Variants in GNL2 observed in about 807,000 individuals in gnomAD.
GNL2 encodes the protein G protein nucleolar 2, also known as nucleolar GTP-binding protein 2.
In GNL2, 51 loss-of-function variants were observed where a neutral mutation model predicts 92.3. The ratio of observed to expected loss-of-function variants is 0.55; its 90% confidence interval spans 0.44 to 0.70. The LOEUF (loss-of-function observed/expected upper bound fraction) is 0.70. Ranked by LOEUF, GNL2 falls within the 30% of genes least tolerant of loss-of-function variation. The probability of loss-of-function intolerance (pLI) is 0.00; values close to 1 mark genes in which losing one functional copy is unlikely to be tolerated. For missense variants in GNL2, 844 were observed against 895.6 expected, an observed-to-expected ratio of 0.94 and a Z score of 0.74; for synonymous variants, 283 against 300.6, an observed-to-expected ratio of 0.94 and a Z score of 0.61.
rs1643556515 is a variant in GNL2, at chr1:37,569,154, ATC to A, written c.1563_1564del (p.Glu521AspfsTer14). On this transcript the variant is annotated frameshift_variant, in exon 13 of 16. Transcript: ENST00000373062. LOFTEE classifies it high-confidence loss of function. ...CCGAACTCGTGTGAGAATCTGCTGC[ATC>A]TCTGTGTTAGCATCACAGTGACTGT... 3 of 1,614,154 alleles carry A rather than the reference ATC, an allele frequency of 1.9e-6. No homozygotes were observed. In the East Asian group the frequency reaches 6.7e-5, roughly 36 times the overall value.
At chr1:37,571,988 A>T (rs1400805716) in intron 12 of GNL2, among the ~76,000 whole-genome samples, 1 of 151,806 alleles carries the variant, frequency 6.6e-6, no homozygotes, top group Non-Finnish European at 1.5e-5. Context: ...ATCAGGACAC[A>T]CAGAGCATAC....
chr1:37,578,775 G>A (rs564510650), intron 8 of GNL2, among the ~76,000 whole-genome samples: 2 of 152,122 alleles, frequency 1.3e-5, no homozygotes, highest in Non-Finnish European at 2.9e-5. Context: ...GCCCAGGCTC[G>A]TCTAGAACTC....
intron 8 of GNL2, among the ~76,000 whole-genome samples, chr1:37,577,873 T>C (rs1263752384): frequency 1.3e-5 from 2 of 152,222 alleles, no homozygotes; most frequent in Non-Finnish European, 2.9e-5. Flanking sequence ...TTTTGAAATG[T>C]CACATGTTTG....
At chr1:37,580,136 A>G (rs1267530193) in intron 8 of GNL2, among the ~76,000 whole-genome samples, 1 of 152,146 alleles carries the variant, frequency 6.6e-6, no homozygotes, top group African/African-American at 2.4e-5. Context: ...ATTTTAGAAT[A>G]AGAAAAGATT....
chr1:37,584,958 T>C (rs1251965827), intron 5 of GNL2, among the ~76,000 whole-genome samples: 1 of 151,472 alleles, frequency 6.6e-6, no homozygotes, highest in African/African-American at 2.4e-5. Context: ...GGCGGGCACC[T>C]GTAATCCCAG....
chr1:37,572,546 A>T (rs116357499), intron 12 of GNL2, among the ~76,000 whole-genome samples: 78 of 151,846 alleles, frequency 5.1e-4, no homozygotes, highest in African/African-American at 1.7e-3. Context: ...CTCCATAAAA[A>T]CCCCTACATG....
intron 9 of GNL2, 199 bp downstream of exon 9, chr1:37,576,229 C>A (rs1038742344): frequency 5.7e-6 from 3 of 524,486 alleles, no homozygotes; most frequent in Non-Finnish European, 1.0e-5. Flanking sequence ...CAAAGCCACA[C>A]GGGGGCATAT....
At chr1:37,585,043 A>C (rs988174886) in intron 5 of GNL2, among the ~76,000 whole-genome samples, 1 of 151,026 alleles carries the variant, frequency 6.6e-6, no homozygotes, top group Non-Finnish European at 1.5e-5. Flanking sequence ...GATCACATCA[A>C]ATGGTTAGAA....
intron 8 of GNL2, among the ~76,000 whole-genome samples, chr1:37,579,811 G>A (rs1199219195): frequency 6.1e-5 from 9 of 146,726 alleles, no homozygotes; most frequent in Non-Finnish European, 7.4e-5. Context: ...CAGGAGAATC[G>A]CTTAAACCCG....
chr1:37,566,967 C>A lies in GNL2; in HGVS notation c.2084G>T (p.Gly695Val), dbSNP rs368821447. 22 of 1,613,880 alleles carry A rather than the reference C, an allele frequency of 1.4e-5. No homozygotes were observed. The highest frequency in any genetic ancestry group is 1.9e-5 in the Non-Finnish European group (22 of 1,179,916). Residue 695 changes from glycine to valine, a missense_variant, in exon 16 of 16, where the codon GGT becomes GTT. Transcript: ENST00000373062. ...AVRQQRPKKV[G>V]VRYYETHNVK... ...GTTGTGTGTTTCATAGTAGCGCACACCAACTTTTTTCGGCCGTTGCTGTCG... is the reference window on the plus strand; with the variant it reads ...GTTGTGTGTTTCATAGTAGCGCACAACAACTTTTTTCGGCCGTTGCTGTCG...
intron 3 of GNL2, among the ~76,000 whole-genome samples, chr1:37,591,173 T>C (rs571295005): frequency 3.3e-5 from 5 of 152,240 alleles, no homozygotes; most frequent in Non-Finnish European, 7.3e-5. Flanking sequence ...CTGCTAGATC[T>C]AGCAGAGAAA....
chr1:37,572,061 G>C lies in GNL2; in HGVS notation c.1416+2282C>G, dbSNP rs193103333. On this transcript the variant is annotated intron_variant, in intron 12 of 15. Coordinates refer to ENST00000373062, the MANE Select transcript of GNL2 (RefSeq NM_013285.3). ...CCTGGAACATTCTCCCTAGATACTA[G>C]CATGGCTCCTGTCTCATATTAAGGG... 3.1e-3 allele frequency among the ~76,000 whole-genome samples: 467 copies of C among 152,200 alleles called. 3 individuals carry two copies. Among genetic ancestry groups the C allele is most frequent in the African/African-American group, 0.011 (453 of 41,510 alleles).
chr1:37,593,052 T>TA (rs1643897373), intron 2 of GNL2, among the ~76,000 whole-genome samples: 1 of 152,138 alleles, frequency 6.6e-6, no homozygotes, highest in South Asian at 2.1e-4. Flanking sequence ...GGTGACGTTC[T>TA]AAAAAATCTG....
In GNL2 at chr1:37,567,776, C is replaced by T. The variant is rs369306110; in HGVS notation, c.1952-12G>A. ...CTTTTTGGAAGGTGCTGGATACAAA[C>T]AATACACAAACAGGAATTTTCTATT... On this transcript the variant is annotated splice_polypyrimidine_tract_variant and intron_variant, in intron 14 of 15. Transcript: ENST00000373062. The T allele has an allele frequency of 6.3e-6, 10 of 1,597,234 alleles. No individual in the cohort carries two copies. Among genetic ancestry groups the T allele is most frequent in the Admixed American group, 1.7e-5 (1 of 60,000 alleles).
intron 4 of GNL2, among the ~76,000 whole-genome samples, chr1:37,588,727 C>T (rs978631314): frequency 6.6e-6 from 1 of 152,128 alleles, no homozygotes; most frequent in African/African-American, 2.4e-5. Flanking sequence ...TACTGTATTG[C>T]TACAGAAATA....
chr1:37,574,401 C>T lies in GNL2; in HGVS notation c.1358G>A (p.Arg453Lys), dbSNP rs12025869. Residue 453 changes from arginine (R) to lysine (K), a missense_variant, in exon 12 of 16, where the codon AGG (arginine) becomes AAG (lysine). By Grantham distance (26) the Arg-to-Lys change is conservative. Coordinates refer to ENST00000373062, the MANE Select transcript of GNL2 (RefSeq NM_013285.3). ...VGKMVLNDWQ[R>K]GRIPFFVKPP... ...CTTGACAAAGAAAGGAATCCGGCCC[C>T]TCTGCCAGTCATTGAGGACCATCTT... The T allele has an allele frequency of 7.4e-6, 12 of 1,613,992 alleles. No individual in the cohort carries two copies. In the East Asian group the frequency reaches 2.2e-4, roughly 30 times the overall value.
In GNL2 at chr1:37,575,814, A is replaced by G. The variant is rs892721039; in HGVS notation, c.1039-115T>C. 48 of 641,904 alleles carry G rather than the reference A, an allele frequency of 7.5e-5. No individual in the cohort carries two copies. Among genetic ancestry groups the G allele is most frequent in the Non-Finnish European group, 1.3e-4 (47 of 367,034 alleles). The allele number at this position is 641,904 out of a possible 1,614,324, so 39.8% of individuals were successfully genotyped here. A position where few individuals can be genotyped will look rare whatever the true frequency, so the allele number is the denominator to read the frequency against. On this transcript the variant is annotated intron_variant, in intron 9 of 15. Transcript: ENST00000373062. The surrounding 1 kb of genome is among the most constrained non-coding windows in gnomAD (Gnocchi z 4.1). Reference sequence around the variant, plus strand: ...AGGAGGAAGGGGTGAGTCAAAGAAAAGCAACGCGCTAAGTAATTAAGCTAC... The same window carrying G: ...AGGAGGAAGGGGTGAGTCAAAGAAAGGCAACGCGCTAAGTAATTAAGCTAC...
intron 5 of GNL2, among the ~76,000 whole-genome samples, chr1:37,586,625 C>T (rs1252806691): frequency 6.6e-6 from 1 of 152,134 alleles, no homozygotes; most frequent in East Asian, 1.9e-4. Flanking sequence ...AAGGAAGCCC[C>T]GATATTCACA....
intron 5 of GNL2, among the ~76,000 whole-genome samples, chr1:37,586,435 G>A (rs1643851341): frequency 6.6e-6 from 1 of 152,030 alleles, no homozygotes; most frequent in Admixed American, 6.6e-5. Flanking sequence ...TTTTGAGTAT[G>A]GATCCCTACG....
Sources: allele counts gnomAD v4.1 joint callset (sites outside exome capture counted in the v4.1 genomes callset), GRCh38; gene constraint gnomAD v4.1.1; non-coding constraint Gnocchi (gnomAD v3.1); transcripts MANE v1.5; gene names NCBI Gene and HGNC (gene_info 2026-07-23, HGNC 2026-07-21).